Variants in GRK5 observed in about 807,000 individuals in gnomAD.
GRK5 encodes G protein-coupled receptor kinase 5, also known as g protein-coupled receptor kinase GRK5.
GRK5 carries 40 observed loss-of-function variants against 78.4 expected under a neutral mutation model. The observed-to-expected ratio is 0.51, with a 90% CI of 0.40 to 0.66. GRK5 has a LOEUF of 0.66. GRK5 is among the 30% of genes least tolerant of loss of function. The probability of loss-of-function intolerance (pLI) is 0.00; values close to 1 mark genes in which losing one functional copy is unlikely to be tolerated. For synonymous variants in GRK5, 289 were observed against 296.8 expected (o/e 0.97, Z 0.27); for missense variants, 598 against 759.9 (o/e 0.79, Z 2.50).
chr10:119,316,280 G>T (rs1278797394), intron 1 of GRK5, among the ~76,000 whole-genome samples: 1 of 152,228 alleles, frequency 6.6e-6, no homozygotes, highest in Non-Finnish European at 1.5e-5. Context: ...GGAGAGAAAA[G>T]ATGAGTTGGC....
chr10:119,284,497 C>A (rs948048907), intron 1 of GRK5, among the ~76,000 whole-genome samples: 2 of 152,092 alleles, frequency 1.3e-5, no homozygotes, highest in East Asian at 1.9e-4. Flanking sequence ...AAATTATTAA[C>A]AAGATATTTT....
At chr10:119,359,718 CTT>C (rs1851326924) in intron 2 of GRK5, among the ~76,000 whole-genome samples, 1 of 152,242 alleles carries the variant, frequency 6.6e-6, no homozygotes. Flanking sequence ...TCTGTCCCCT[CTT>C]TGGTTCACAC....
intron 1 of GRK5, among the ~76,000 whole-genome samples, chr10:119,235,784 A>G (rs1221429360): frequency 2.6e-5 from 4 of 152,002 alleles, no homozygotes; most frequent in Non-Finnish European, 4.4e-5. Context: ...GTGTCTTTTT[A>G]TTGCTCTTTT....
At chr10:119,308,480 G>C (rs905994504) in intron 1 of GRK5, among the ~76,000 whole-genome samples, 9 of 152,136 alleles carry the variant, frequency 5.9e-5, no homozygotes, top group African/African-American at 2.2e-4. Context: ...ATCCTCTCTG[G>C]GTCCCCTGAC....
chr10:119,433,164 CCCAGCTGCCAG>C (rs1852853623), intron 8 of GRK5, among the ~76,000 whole-genome samples: 1 of 152,220 alleles, frequency 6.6e-6, no homozygotes, highest in African/African-American at 2.4e-5. Context: ...CCAGGCCACC[CCCAGCTGCCAG>C]CCTTGTCGGG....
chr10:119,438,460 T>C (rs1246435472), intron 9 of GRK5, among the ~76,000 whole-genome samples: 1 of 152,182 alleles, frequency 6.6e-6, no homozygotes, highest in African/African-American at 2.4e-5. Context: ...CAAGAAAGAA[T>C]GGTCTTGATG....
Position 119,450,010 on chromosome 10 carries a change from G to A in GRK5, c.1404+1750G>A, listed in dbSNP as rs184127544. On this transcript the variant is annotated intron_variant, in intron 13 of 15. Coordinates refer to ENST00000392870, the MANE Select transcript of GRK5 (RefSeq NM_005308.3). ...TGAAACCTCCCCAGCTGATTCTAGC[G>A]TAGAGCCAGGGTTGAGAGTCACTAT... Among the ~76,000 whole-genome samples, 504 of 152,288 alleles carry A rather than the reference G, an allele frequency of 3.3e-3. 4 individuals are homozygous for A. Among genetic ancestry groups the A allele is most frequent in the African/African-American group, 0.012 (484 of 41,554 alleles).
rs116667265 is a variant in GRK5, at chr10:119,264,238, A to G, written c.52+56269A>G. Among the ~76,000 whole-genome samples the G allele has an allele frequency of 6.5e-3, 991 of 152,332 alleles. 11 individuals are homozygous for G. The highest frequency in any genetic ancestry group is 0.022 in the African/African-American group (932 of 41,566). ...CAGTTCCAGCAAGGTGACTGTCATT[A>G]GGCAGATCTCTTTCCATTACAGGTG... On this transcript the variant is annotated intron_variant, in intron 1 of 15. Transcript: ENST00000392870. This position sits in a 1 kb window ranked among gnomAD's most constrained non-coding sequence, Gnocchi z 4.1.
intron 4 of GRK5, among the ~76,000 whole-genome samples, chr10:119,397,777 A>C (rs925741520): frequency 6.6e-6 from 1 of 152,234 alleles, no homozygotes; most frequent in African/African-American, 2.4e-5. Flanking sequence ...GGTAGTGGCC[A>C]TTGCCCTTGC....
intron 2 of GRK5, among the ~76,000 whole-genome samples, chr10:119,354,992 A>T (rs1341090406): frequency 6.6e-6 from 1 of 152,154 alleles, no homozygotes; most frequent in East Asian, 1.9e-4. Flanking sequence ...CCCTGATATA[A>T]AATAGTATAT....
At chr10:119,339,099 TG>T (rs1311593172) in intron 2 of GRK5, among the ~76,000 whole-genome samples, 1 of 152,180 alleles carries the variant, frequency 6.6e-6, no homozygotes, top group Non-Finnish European at 1.5e-5. Flanking sequence ...ACCATTAACC[TG>T]AAATGTGATG....
chr10:119,286,495 G>C (rs570630052), intron 1 of GRK5, among the ~76,000 whole-genome samples: 2 of 152,256 alleles, frequency 1.3e-5, no homozygotes, highest in African/African-American at 2.4e-5. Flanking sequence ...ACACGTGGGG[G>C]TCTGGAGGGC....
At position 119,454,518 on chromosome 10, in the gene GRK5, G is replaced by A. The variant is rs1011345539; in HGVS notation, c.1675-451G>A. On this transcript the variant is annotated intron_variant, in intron 15 of 15. Coordinates refer to ENST00000392870, the MANE Select transcript of GRK5 (RefSeq NM_005308.3). ...GAAGGCCTGAGCAATGGGAACGACC[G>A]CCCATCTCTCCCAGGCCGGCCCTCG... Among the ~76,000 whole-genome samples the A allele has an allele frequency of 9.8e-5, 15 of 152,288 alleles. 1 individual carries two copies. Among genetic ancestry groups the A allele is most frequent in the Admixed American group, 3.9e-4 (6 of 15,300 alleles).
intron 4 of GRK5, among the ~76,000 whole-genome samples, chr10:119,405,767 G>A (rs1852228862): frequency 6.6e-6 from 1 of 152,158 alleles, no homozygotes; most frequent in African/African-American, 2.4e-5. Context: ...GCGCCTACCT[G>A]TGCTTGTGGC....
In GRK5 at chr10:119,425,555, C is replaced by CT. The variant is rs1168068818; in HGVS notation, c.533+471dup. Reference sequence around the variant, plus strand: ...AGAGAAATTCCTAGCAGAGGAATTTCTGGGTCAGAAGGCACCTGATTTTAA... The same window carrying CT: ...AGAGAAATTCCTAGCAGAGGAATTTCTTGGGTCAGAAGGCACCTGATTTTAA... On this transcript the variant is annotated intron_variant, in intron 6 of 15. Coordinates refer to ENST00000392870, the MANE Select transcript of GRK5 (RefSeq NM_005308.3). Among the ~76,000 whole-genome samples, 101 of 152,304 alleles carry CT rather than the reference C, an allele frequency of 6.6e-4. 1 individual carries two copies. Among genetic ancestry groups the CT allele is most frequent in the Admixed American group, 6.6e-3 (101 of 15,306 alleles).
chr10:119,215,091 C>T (rs78294107), intron 1 of GRK5, among the ~76,000 whole-genome samples: 1 of 152,140 alleles, frequency 6.6e-6, no homozygotes. Context: ...AGGGAATGAC[C>T]GAAAAGATTA....
At chr10:119,403,866 C>T (rs778171928) in intron 4 of GRK5, among the ~76,000 whole-genome samples, 6 of 152,240 alleles carry the variant, frequency 3.9e-5, no homozygotes, top group Non-Finnish European at 8.8e-5. Context: ...AACTCCTGGC[C>T]TCAAGTGATC....
At chr10:119,276,975 G>A (rs1849681315) in intron 1 of GRK5, among the ~76,000 whole-genome samples, 1 of 152,184 alleles carries the variant, frequency 6.6e-6, no homozygotes, top group South Asian at 2.1e-4. Context: ...ATTTATATTG[G>A]CACATGAAGT....
rs1447277947 is a variant in GRK5 at position 119,207,880 on chromosome 10, C to T, written c.-38C>T. The T allele has an allele frequency of 2.5e-6, 4 of 1,572,184 alleles. No homozygotes were observed. The highest frequency in any genetic ancestry group is 2.3e-5 in the South Asian group (2 of 86,188). On this transcript the variant is annotated 5_prime_UTR_variant, in exon 1 of 16. Transcript: ENST00000392870. ...GCGGCAGCACCCCAGGCGCTGACAG[C>T]CCCGCCGGCCGGCTCCGTTGCTGAC...
Sources: gnomAD v4.1 joint callset for allele counts (sites outside exome capture counted in the v4.1 genomes callset) on GRCh38, gnomAD v4.1.1 for gene constraint, Gnocchi (gnomAD v3.1) non-coding constraint, MANE v1.5 for transcripts, NCBI Gene and HGNC (gene_info 2026-07-23, HGNC 2026-07-21) for gene names.